Variants in CCDC178 observed in about 807,000 individuals in gnomAD.
CCDC178 encodes the protein coiled-coil domain containing 178.
In CCDC178, 126 loss-of-function variants were observed where a neutral mutation model predicts 117.4. That is an observed-to-expected ratio of 1.07 (90% confidence interval 0.93 to 1.24). The LOEUF (loss-of-function observed/expected upper bound fraction) is 1.24, where lower values mean the gene tolerates loss of function less well. Among genes scored for constraint, CCDC178 ranks in the 50% most tolerant of loss-of-function variants. The probability of loss-of-function intolerance (pLI) is 0.00; values close to 1 mark genes in which losing one functional copy is unlikely to be tolerated. For synonymous variants in CCDC178, 283 were observed against 313.4 expected (o/e 0.90, Z 1.02); for missense variants, 1,030 against 986.9 (o/e 1.04, Z -0.59).
intron 1 of CCDC178, 186 bp downstream of exon 1, chr18:33,440,467 C>A (rs138879390): frequency 0.013 from 2,015 of 152,210 alleles, 42 homozygotes; most frequent in African/African-American, 0.045. Context: ...GGCAAGGACT[C>A]CCCACCGCCT....
chr18:33,273,256 A>T lies in CCDC178; in HGVS notation c.1177-5959T>A, dbSNP rs1169666653. On this transcript the variant is annotated intron_variant, in intron 12 of 22. Coordinates refer to ENST00000383096, the MANE Select transcript of CCDC178 (RefSeq NM_001105528.4). ...GTATTTCTACACACTAGCAATGAGC[A>T]ATACAAAAATGTAATTAAGACAATT... Among the ~76,000 whole-genome samples, 4 of 151,566 alleles carry T rather than the reference A, an allele frequency of 2.6e-5. No individual in the cohort carries two copies. The East Asian group carries it at 7.7e-4, about 29-fold the overall frequency.
intron 7 of CCDC178, among the ~76,000 whole-genome samples, chr18:33,350,988 A>G (rs940597624): frequency 1.3e-5 from 2 of 152,192 alleles, no homozygotes; most frequent in Non-Finnish European, 2.9e-5. Context: ...ACCATCAGGT[A>G]TAATATAAAC....
rs576223067 is a variant in CCDC178, at chr18:33,291,918, G to A, written c.1176+1241C>T. On this transcript the variant is annotated intron_variant, in intron 12 of 22. Coordinates refer to ENST00000383096, the MANE Select transcript of CCDC178 (RefSeq NM_001105528.4). ...ATCAAAAAGACAAAAAATAACAAAT[G>A]CTGTTGAAGATGCAGAGAAAAGGTA... Among the ~76,000 whole-genome samples, 9 of 152,052 alleles carry A rather than the reference G, an allele frequency of 5.9e-5. No individual in the cohort carries two copies. The East Asian group carries it at 1.5e-3, about 26-fold the overall frequency.
At chr18:33,400,098 T>A (rs1414639223) in intron 3 of CCDC178, among the ~76,000 whole-genome samples, 1 of 136,584 alleles carries the variant, frequency 7.3e-6, no homozygotes, top group African/African-American at 3.0e-5. Context: ...TTAAAGAAAT[T>A]TTTTTTTTTT....
intron 14 of CCDC178, among the ~76,000 whole-genome samples, chr18:33,251,864 T>C (rs2059621918): frequency 6.6e-6 from 1 of 151,724 alleles, no homozygotes; most frequent in African/African-American, 2.4e-5. Context: ...CTAGGAAAAG[T>C]TCAATGAAGA....
chr18:33,020,957 A>G (rs1244684186), intron 21 of CCDC178, among the ~76,000 whole-genome samples: 2 of 152,206 alleles, frequency 1.3e-5, no homozygotes, highest in Admixed American at 6.5e-5. Context: ...TTGGACATAT[A>G]TATTTGTGAG....
intron 12 of CCDC178, among the ~76,000 whole-genome samples, chr18:33,278,977 GA>G (rs1171470649): frequency 6.6e-6 from 1 of 152,070 alleles, no homozygotes; most frequent in Non-Finnish European, 1.5e-5. Flanking sequence ...AGCTATCTAT[GA>G]CAAACCCACA....
At chr18:33,429,182 C>A (rs544533829) in intron 2 of CCDC178, among the ~76,000 whole-genome samples, 17 of 151,956 alleles carry the variant, frequency 1.1e-4, no homozygotes, top group Admixed American at 6.6e-5. Flanking sequence ...ATGTGGATAA[C>A]AAAGACTTTC....
intron 9 of CCDC178, among the ~76,000 whole-genome samples, chr18:33,339,627 CAT>C (rs1367148519): frequency 2.0e-5 from 3 of 151,980 alleles, no homozygotes; most frequent in African/African-American, 7.3e-5. Flanking sequence ...AGAATTCCCA[CAT>C]GTTGTGGAAG....
intron 21 of CCDC178, among the ~76,000 whole-genome samples, chr18:33,051,257 G>A (rs1394617536): frequency 6.6e-6 from 1 of 152,020 alleles, no homozygotes; most frequent in African/African-American, 2.4e-5. Context: ...TAGAAACAAA[G>A]TTACAGTTAG....
chr18:33,062,173 C>T (rs1203728849), intron 21 of CCDC178, among the ~76,000 whole-genome samples: 1 of 152,102 alleles, frequency 6.6e-6, no homozygotes, highest in Non-Finnish European at 1.5e-5. Flanking sequence ...CATCTTATTT[C>T]TTCATCTAGC....
intron 11 of CCDC178, among the ~76,000 whole-genome samples, chr18:33,297,583 A>G (rs970649221): frequency 6.6e-6 from 1 of 152,208 alleles, no homozygotes; most frequent in Non-Finnish European, 1.5e-5. Context: ...GAGGAAATCG[A>G]TAAATTCCTA....
chr18:33,120,117 T>C (rs889108454), intron 20 of CCDC178, among the ~76,000 whole-genome samples: 3 of 151,794 alleles, frequency 2.0e-5, no homozygotes, highest in Non-Finnish European at 4.4e-5. Context: ...CCCACCAACA[T>C]GGCACATGTA....
intron 9 of CCDC178, among the ~76,000 whole-genome samples, chr18:33,342,099 C>G (rs1001540508): frequency 1.3e-5 from 2 of 152,106 alleles, no homozygotes; most frequent in African/African-American, 4.8e-5. Context: ...AAAAAGTAAT[C>G]AAGGCTTATT....
At position 33,390,952 on chromosome 18, in the gene CCDC178, T is replaced by C. The variant is rs138867222; in HGVS notation, c.119-1323A>G. 7.7e-3 allele frequency among the ~76,000 whole-genome samples: 1,171 copies of C among 151,764 alleles called. 17 individuals are homozygous for C. Among genetic ancestry groups the C allele is most frequent in the African/African-American group, 0.027 (1,105 of 41,504 alleles). On this transcript the variant is annotated intron_variant, in intron 4 of 22. Coordinates refer to ENST00000383096, the MANE Select transcript of CCDC178 (RefSeq NM_001105528.4). ...TATACTAACAGTTAAAGATAGAATA[T>C]TTATATGTTAAACCTCACTAAAGCA...
chr18:33,415,651 C>G (rs1263736134), intron 2 of CCDC178, among the ~76,000 whole-genome samples: 1 of 152,012 alleles, frequency 6.6e-6, no homozygotes. Flanking sequence ...ACATATGTAA[C>G]AAACCTGCAC....
intron 12 of CCDC178, among the ~76,000 whole-genome samples, chr18:33,272,910 T>C (rs2059906779): frequency 6.6e-6 from 1 of 151,336 alleles, no homozygotes; most frequent in Non-Finnish European, 1.5e-5. Context: ...CTGATAAAAA[T>C]GTACCTGTGA....
intron 20 of CCDC178, among the ~76,000 whole-genome samples, chr18:33,173,546 C>CT (rs1295785855): frequency 6.6e-6 from 1 of 152,146 alleles, no homozygotes; most frequent in Non-Finnish European, 1.5e-5. Context: ...TCTTGTTATG[C>CT]TTTTTTCCTT....
chr18:33,227,368 T>C (rs1251592233), intron 15 of CCDC178, among the ~76,000 whole-genome samples: 1 of 151,288 alleles, frequency 6.6e-6, no homozygotes, highest in Non-Finnish European at 1.5e-5. Flanking sequence ...CCTGGAAAAA[T>C]TGTTGTAAAT....
Sources: allele counts gnomAD v4.1 joint callset (sites outside exome capture counted in the v4.1 genomes callset), GRCh38; gene constraint gnomAD v4.1.1; transcripts MANE v1.5; gene names NCBI Gene and HGNC (gene_info 2026-07-23, HGNC 2026-07-21).